ATP5MC2: variants seen among roughly 807,000 people sequenced by gnomAD.
The protein encoded by ATP5MC2 is ATP synthase membrane subunit c locus 2.
ATP5MC2 carries 11 observed loss-of-function variants against 13.5 expected under a neutral mutation model. That is an observed-to-expected ratio of 0.81 (90% CI 0.51 to 1.35). ATP5MC2 has a LOEUF of 1.35. Among genes scored for constraint, ATP5MC2 ranks in the 40% most tolerant of loss-of-function variants. ATP5MC2 has a pLI of 0.00. For missense variants in ATP5MC2, 132 were observed against 175.0 expected (o/e 0.75, Z 1.39); for synonymous variants, 64 against 69.7 (o/e 0.92, Z 0.41).
chr12:53,672,807 C>T, intron 1 of ATP5MC2, 162 bp from the exon 2 acceptor site: 1 of 624,602 alleles, frequency 1.6e-6, no homozygotes. Flanking sequence ...TGACTTCTTC[C>T]AGAAACCCCA....
upstream of ATP5MC2, among the ~76,000 whole-genome samples, chr12:53,681,294 G>C (rs1945338425): frequency 1.3e-5 from 2 of 151,756 alleles, no homozygotes; most frequent in South Asian, 4.1e-4. Flanking sequence ...GGGAGGCCAA[G>C]GCAGGAGGAT....
At chr12:53,666,927 C>T (rs947739525) in intron 4 of ATP5MC2, among the ~76,000 whole-genome samples, 2 of 129,106 alleles carry the variant, frequency 1.5e-5, no homozygotes, top group African/African-American at 6.1e-5. Context: ...GTCTGGGAGA[C>T]AGCGAGACTC....
At chr12:53,666,753 C>CT (rs1218014436) in intron 4 of ATP5MC2, among the ~76,000 whole-genome samples, 1 of 145,108 alleles carries the variant, frequency 6.9e-6, no homozygotes, top group South Asian at 2.2e-4. Context: ...GAGTCAGACT[C>CT]TGTCTCAAAA....
upstream of ATP5MC2, chr12:53,676,175 C>G (rs1385439612): frequency 5.0e-6 from 8 of 1,614,106 alleles, no homozygotes; most frequent in Middle Eastern, 1.6e-4. Flanking sequence ...TTGCAACATA[C>G]AGGATCAGCT....
intron 2 of ATP5MC2, chr12:53,670,328 C>A (rs1335098790): frequency 1.4e-5 from 5 of 349,938 alleles, no homozygotes; most frequent in Admixed American, 3.9e-5. Context: ...GGGTTATGTG[C>A]CAATAAATCC....
upstream of ATP5MC2, among the ~76,000 whole-genome samples, chr12:53,680,048 C>T (rs1044666366): frequency 3.3e-5 from 5 of 152,124 alleles, no homozygotes; most frequent in South Asian, 2.1e-4. Flanking sequence ...TGCGGTGACA[C>T]GATCATGGCT....
upstream of ATP5MC2, chr12:53,676,168 C>G: frequency 2.5e-6 from 4 of 1,614,248 alleles, 1 homozygote; most frequent in Non-Finnish European, 3.4e-6. Context: ...AGAGTGATTG[C>G]AACATACAGG....
chr12:53,676,237 T>C (rs776362140), upstream of ATP5MC2: 22 of 1,594,326 alleles, frequency 1.4e-5, no homozygotes, highest in South Asian at 2.2e-4. Flanking sequence ...GGCCGGTTGC[T>C]CCACCTGGCG....
intron 2 of ATP5MC2, among the ~76,000 whole-genome samples, chr12:53,670,691 C>T (rs977986465): frequency 2.0e-5 from 3 of 151,128 alleles, no homozygotes; most frequent in African/African-American, 7.3e-5. Flanking sequence ...GATCTCGGCT[C>T]GGCTCACTAC....
upstream of ATP5MC2, chr12:53,676,315 C>CCGTAA (rs1945275022): frequency 3.5e-6 from 5 of 1,446,098 alleles, no homozygotes; most frequent in Middle Eastern, 1.9e-4. Flanking sequence ...GTAAGCCGAT[C>CCGTAA]CGTAACGTGG....
At chr12:53,674,418 G>T (rs896216751) in intron 1 of ATP5MC2, among the ~76,000 whole-genome samples, 6 of 152,210 alleles carry the variant, frequency 3.9e-5, no homozygotes, top group Admixed American at 1.3e-4. Context: ...ATGATTATTA[G>T]GTATACTTAA....
At chr12:53,667,954 C>CATATATATATATAT (rs1464740488) in intron 4 of ATP5MC2, among the ~76,000 whole-genome samples, 7 of 26,962 alleles carry the variant, frequency 2.6e-4, no homozygotes, top group Non-Finnish European at 5.0e-4. Context: ...TACATACACA[C>CATATATATATATAT]ACATATATAT....
chr12:53,674,206 G>C (rs1356837922), intron 1 of ATP5MC2, among the ~76,000 whole-genome samples: 2 of 152,058 alleles, frequency 1.3e-5, no homozygotes, highest in Non-Finnish European at 2.9e-5. Context: ...AGCCAGGTGA[G>C]GTGGAAGTGC....
chr12:53,665,747 T>C (rs1439848419), intron 4 of ATP5MC2, among the ~76,000 whole-genome samples: 2 of 54,062 alleles, frequency 3.7e-5, no homozygotes, highest in Non-Finnish European at 6.1e-5. Flanking sequence ...AGGGCCCAAA[T>C]AGGATGGAAG....
chr12:53,668,397 G>C (rs571677617), intron 4 of ATP5MC2, among the ~76,000 whole-genome samples: 1 of 151,502 alleles, frequency 6.6e-6, no homozygotes, highest in Non-Finnish European at 1.5e-5. Context: ...TCCACCTCCC[G>C]GGTTCAAGCG....
chr12:53,669,302 G>T lies in ATP5MC2; in HGVS notation c.157C>A (p.Leu53Ile), dbSNP rs769609879. The T allele has an allele frequency of 3.1e-6, 5 of 1,614,052 alleles. No homozygotes were observed. The African/African-American group carries it at 6.7e-5, about 22-fold the overall frequency. ...GTTTGGAAGCTGCGGCTAGAGACAA[G>T]TGAGGTAAGGGGACATGAGACTGCC... ...SLAVSCPLTSLVSSRSFQTSA... is the reference protein window; with the variant it reads ...SLAVSCPLTSIVSSRSFQTSA... Residue 53 changes from leucine (L) to isoleucine (I), a missense_variant, in exon 4 of 5, where the codon CTT (leucine) becomes ATT (isoleucine). By Grantham distance (5) the Leu-to-Ile change is conservative (BLOSUM62 2). Transcript: ENST00000394349.
upstream of ATP5MC2, chr12:53,676,532 G>A (rs776641706): frequency 1.3e-5 from 3 of 233,838 alleles, no homozygotes; most frequent in Non-Finnish European, 2.5e-5. Flanking sequence ...GGCATCACTG[G>A]ATGGCAAACC....
chr12:53,681,047 C>CAGG (rs1403848348), upstream of ATP5MC2, among the ~76,000 whole-genome samples: 2 of 151,640 alleles, frequency 1.3e-5, no homozygotes, highest in African/African-American at 4.9e-5. Context: ...GCTGGGACTA[C>CAGG]AGGTGTGCAC....
intron 4 of ATP5MC2, among the ~76,000 whole-genome samples, chr12:53,667,997 A>ATT (rs59042234): frequency 7.9e-6 from 1 of 126,868 alleles, no homozygotes; most frequent in African/African-American, 3.0e-5. Context: ...ATATATATAA[A>ATT]TTTTTTTTTT....
Sources: gnomAD v4.1 joint callset for allele counts (sites outside exome capture counted in the v4.1 genomes callset) on GRCh38, gnomAD v4.1.1 for gene constraint, MANE v1.5 for transcripts, NCBI Gene and HGNC (gene_info 2026-07-23, HGNC 2026-07-21) for gene names.